The following PPM1H variants were observed in gnomAD, a reference collection of about 807,000 sequenced individuals.
The protein encoded by PPM1H is protein phosphatase 1H.
Under a neutral mutation model 54.9 loss-of-function variants are expected in PPM1H, and 27 were observed. That is an observed-to-expected ratio of 0.49 (90% CI 0.36 to 0.68). PPM1H has a LOEUF of 0.68. PPM1H is among the 30% of genes least tolerant of loss of function. The probability of loss-of-function intolerance (pLI) is 0.00; values close to 1 mark genes in which losing one functional copy is unlikely to be tolerated. For missense variants in PPM1H, 596 were observed against 667.8 expected, an observed-to-expected ratio of 0.89 and a Z score of 1.19; for synonymous variants, 305 against 270.8, an observed-to-expected ratio of 1.13 and a Z score of -1.24.
chr12:62,757,927 C>T lies in PPM1H; in HGVS notation c.870-20341G>A, dbSNP rs140276705. On this transcript the variant is annotated intron_variant, in intron 4 of 9. Transcript: ENST00000228705. ...AAAGCAGATGGAGGCTTCCCACATGCAACCCTTTATGGCTCCAGCCTGGTG... is the reference window on the plus strand; with the variant it reads ...AAAGCAGATGGAGGCTTCCCACATGTAACCCTTTATGGCTCCAGCCTGGTG... Among the ~76,000 whole-genome samples, 5 of 152,302 alleles carry T rather than the reference C, an allele frequency of 3.3e-5. No individual in the cohort carries two copies. The East Asian group carries it at 9.6e-4, about 29-fold the overall frequency.
At chr12:62,830,449 G>T (rs1319127722) in intron 2 of PPM1H, among the ~76,000 whole-genome samples, 2 of 152,078 alleles carry the variant, frequency 1.3e-5, no homozygotes, top group Non-Finnish European at 2.9e-5. Context: ...TAGAGACAGG[G>T]TGTCACTGTG....
At chr12:62,920,623 C>CAA (rs398055633) in intron 1 of PPM1H, among the ~76,000 whole-genome samples, 3,966 of 121,536 alleles carry the variant, frequency 0.033, 61 homozygotes, top group African/African-American at 0.047. Flanking sequence ...CACCCGGCAT[C>CAA]AAAAAAAAAA....
At chr12:62,878,625 T>TGAAAA (rs1565817540) in intron 1 of PPM1H, among the ~76,000 whole-genome samples, 1 of 54,766 alleles carries the variant, frequency 1.8e-5, no homozygotes, top group African/African-American at 9.1e-5. Context: ...ATGATTACGC[T>TGAAAA]TAAAAAAAAA....
At chr12:62,761,040 G>C (rs919649041) in intron 4 of PPM1H, among the ~76,000 whole-genome samples, 8 of 152,170 alleles carry the variant, frequency 5.3e-5, no homozygotes, top group African/African-American at 1.9e-4. Flanking sequence ...GACTAATCCA[G>C]AAAGGAGAAG....
At chr12:62,841,022 G>A (rs1490826558) in intron 1 of PPM1H, among the ~76,000 whole-genome samples, 1 of 151,836 alleles carries the variant, frequency 6.6e-6, no homozygotes, top group Non-Finnish European at 1.5e-5. Context: ...GAAACCTGTT[G>A]GACATGGGTT....
intron 8 of PPM1H, among the ~76,000 whole-genome samples, chr12:62,686,270 C>T (rs17098174): frequency 0.059 from 8,924 of 152,300 alleles, 404 homozygotes; most frequent in East Asian, 0.2. Context: ...ATACAGAGCA[C>T]TCTCCTTCAA....
chr12:62,715,353 G>A (rs1413173710), intron 6 of PPM1H, among the ~76,000 whole-genome samples: 4 of 151,982 alleles, frequency 2.6e-5, no homozygotes, highest in African/African-American at 9.7e-5. Context: ...GGAGAGCAAG[G>A]GAAGACTCCA....
At chr12:62,785,502 T>C (rs2076666052) in intron 4 of PPM1H, among the ~76,000 whole-genome samples, 1 of 152,204 alleles carries the variant, frequency 6.6e-6, no homozygotes, top group Admixed American at 6.5e-5. Context: ...TATGAACACT[T>C]AGAAATACAA....
chr12:62,738,695 C>T (rs977144950), intron 4 of PPM1H, among the ~76,000 whole-genome samples: 7 of 152,054 alleles, frequency 4.6e-5, no homozygotes, highest in African/African-American at 1.4e-4. Flanking sequence ...CAACAGCTCC[C>T]AGGCATCAGG....
intron 2 of PPM1H, among the ~76,000 whole-genome samples, chr12:62,829,994 A>G (rs551278076): frequency 5.2e-4 from 79 of 152,282 alleles, no homozygotes; most frequent in African/African-American, 1.8e-3. Flanking sequence ...CATAATAACA[A>G]TCCTCAAAAC....
chr12:62,842,478 T>C (rs1171740957), intron 1 of PPM1H, among the ~76,000 whole-genome samples: 1 of 152,240 alleles, frequency 6.6e-6, no homozygotes, highest in Non-Finnish European at 1.5e-5. Flanking sequence ...AGAAGTATTC[T>C]AATCTCAACA....
chr12:62,755,600 C>G (rs2076468841), intron 4 of PPM1H: 1 of 656,112 alleles, frequency 1.5e-6, no homozygotes, highest in African/African-American at 1.8e-5. Context: ...GCCCCTTCTG[C>G]TGACACCCCC....
rs545641345 is a variant in PPM1H at position 62,780,861 on chromosome 12, C to T, written c.869+7365G>A. Among the ~76,000 whole-genome samples, 38 of 152,328 alleles carry T rather than the reference C, an allele frequency of 2.5e-4. 1 individual carries two copies. The South Asian group carries it at 7.5e-3, about 30-fold the overall frequency. On this transcript the variant is annotated intron_variant, in intron 4 of 9. Coordinates refer to ENST00000228705, the MANE Select transcript of PPM1H (RefSeq NM_020700.2). The stretch of plus-strand genomic sequence containing the variant: ...TTCCTCCTGGCACTGATCCACTGTT[C>T]TACCCTAGCTCAGCAGCCAGGCATA...
At position 62,934,368 on chromosome 12, in the gene PPM1H, G is replaced by A; in HGVS notation, c.245+124C>T. 3 of 1,303,438 alleles carry A rather than the reference G, an allele frequency of 2.3e-6. No homozygotes were observed. Among genetic ancestry groups the A allele is most frequent in the Non-Finnish European group, 3.0e-6 (3 of 995,096 alleles). The allele number at this position is 1,303,438 out of a possible 1,614,324, so 80.7% of individuals were successfully genotyped here. A position where few individuals can be genotyped will look rare whatever the true frequency, so the allele number is the denominator to read the frequency against. On this transcript the variant is annotated intron_variant, in intron 1 of 9. Coordinates refer to ENST00000228705, the MANE Select transcript of PPM1H (RefSeq NM_020700.2). The surrounding 1 kb of genome is among the most constrained non-coding windows in gnomAD (Gnocchi z 4.2). The stretch of plus-strand genomic sequence containing the variant: ...CAGTGTAAGTAAAGAGCTCCCCGCC[G>A]AGGCCTGGACGCCGGCAGCTAGTGA...
intron 1 of PPM1H, among the ~76,000 whole-genome samples, chr12:62,928,367 T>G (rs1452972387): frequency 6.6e-6 from 1 of 152,178 alleles, no homozygotes; most frequent in Non-Finnish European, 1.5e-5. Context: ...TGCCATAACA[T>G]TATGTTGTAT....
intron 6 of PPM1H, among the ~76,000 whole-genome samples, chr12:62,703,166 G>A (rs17733713): frequency 0.071 from 10,738 of 152,112 alleles, 469 homozygotes; most frequent in Non-Finnish European, 0.098. Context: ...GCACATCCCC[G>A]TAGGAAAAAC....
chr12:62,707,813 G>C (rs1303160135), intron 6 of PPM1H, among the ~76,000 whole-genome samples: 1 of 152,040 alleles, frequency 6.6e-6, no homozygotes, highest in Non-Finnish European at 1.5e-5. Flanking sequence ...CTAATACCTG[G>C]TTCACTTAAT....
chr12:62,693,880 AG>A, intron 7 of PPM1H, 55 bp downstream of exon 7: 1 of 1,507,164 alleles, frequency 6.6e-7, no homozygotes, highest in South Asian at 1.2e-5. Flanking sequence ...GGCTATGTGG[AG>A]CGAAGGCGGG....
chr12:62,824,101 C>A (rs1868260446), intron 2 of PPM1H, among the ~76,000 whole-genome samples: 1 of 151,476 alleles, frequency 6.6e-6, no homozygotes, highest in South Asian at 2.1e-4. Flanking sequence ...TCTTATACAC[C>A]AATAACAGAC....
Sources: gnomAD v4.1 joint callset for allele counts (sites outside exome capture counted in the v4.1 genomes callset) on GRCh38, gnomAD v4.1.1 for gene constraint, Gnocchi (gnomAD v3.1) non-coding constraint, MANE v1.5 for transcripts, NCBI Gene and HGNC (gene_info 2026-07-23, HGNC 2026-07-21) for gene names.